Variants in WIPF3 observed in about 807,000 individuals in gnomAD.
The protein encoded by WIPF3 is WAS/WASL interacting protein family member 3.
WIPF3 carries 33 observed loss-of-function variants against 38.9 expected under a neutral mutation model. The observed-to-expected ratio is 0.85, with a 90% CI of 0.64 to 1.14. The LOEUF (loss-of-function observed/expected upper bound fraction) is 1.14. Among genes scored for constraint, WIPF3 ranks in the 50% most tolerant of loss-of-function variants. The pLI is 0.00. For missense variants in WIPF3, 711 were observed against 652.5 expected (o/e 1.09, Z -0.98); for synonymous variants, 324 against 269.3 (o/e 1.20, Z -1.99).
chr7:29,824,065 A>G (rs1784579396), intron 1 of WIPF3, among the ~76,000 whole-genome samples: 1 of 152,342 alleles, frequency 6.6e-6, no homozygotes, highest in African/African-American at 2.4e-5. Flanking sequence ...GGCTTTGGCA[A>G]TACCAGTATC....
At chr7:29,828,788 A>C (rs1425023761) in intron 1 of WIPF3, among the ~76,000 whole-genome samples, 1 of 152,212 alleles carries the variant, frequency 6.6e-6, no homozygotes, top group Non-Finnish European at 1.5e-5. Flanking sequence ...ATGCTGGGGA[A>C]GGAGTTCCTA....
intron 7 of WIPF3, among the ~76,000 whole-genome samples, chr7:29,900,124 G>C (rs921699036): frequency 1.2e-4 from 18 of 151,998 alleles, no homozygotes; most frequent in Non-Finnish European, 4.4e-5. Context: ...TTTTAGTAGA[G>C]ATGCAGTTTT....
chr7:29,812,907 C>A (rs1006702426), intron 1 of WIPF3, among the ~76,000 whole-genome samples: 3 of 152,208 alleles, frequency 2.0e-5, no homozygotes, highest in African/African-American at 7.2e-5. Context: ...GAAATGCACC[C>A]AACTGCCTGT....
chr7:29,894,137 C>T (rs1786083764), intron 7 of WIPF3, among the ~76,000 whole-genome samples: 1 of 152,140 alleles, frequency 6.6e-6, no homozygotes, highest in Non-Finnish European at 1.5e-5. Context: ...TCCTAAAAAC[C>T]TCTTTCTGCT....
At chr7:29,853,769 C>G (rs144251745) in intron 2 of WIPF3, among the ~76,000 whole-genome samples, 44 of 152,324 alleles carry the variant, frequency 2.9e-4, no homozygotes, top group African/African-American at 1.1e-3. Flanking sequence ...CTCATTATGG[C>G]TGATGTGAAG....
intron 5 of WIPF3, among the ~76,000 whole-genome samples, 181 bp downstream of exon 5, chr7:29,884,774 C>T (rs892957789): frequency 6.6e-6 from 1 of 152,228 alleles, no homozygotes; most frequent in African/African-American, 2.4e-5. Context: ...ATCCCCTGCC[C>T]TTACTAGCTC....
chr7:29,897,840 A>G (rs957428884), intron 7 of WIPF3, among the ~76,000 whole-genome samples: 3 of 151,980 alleles, frequency 2.0e-5, no homozygotes, highest in African/African-American at 7.3e-5. Flanking sequence ...TGCTGACCAT[A>G]CCTCTTCAAA....
chr7:29,845,044 T>TC (rs1333356418), intron 2 of WIPF3, among the ~76,000 whole-genome samples: 3 of 150,786 alleles, frequency 2.0e-5, no homozygotes, highest in Non-Finnish European at 1.5e-5. Context: ...TTTTTTTTTT[T>TC]CTGTGTGGTT....
intron 3 of WIPF3, 96 bp downstream of exon 3, chr7:29,876,058 C>T: frequency 6.6e-7 from 1 of 1,508,740 alleles, no homozygotes; most frequent in South Asian, 1.3e-5. Flanking sequence ...ACAGCTGCTT[C>T]CCAGGATGCA....
chr7:29,822,304 C>CAG (rs1784552477), intron 1 of WIPF3, among the ~76,000 whole-genome samples: 1 of 151,970 alleles, frequency 6.6e-6, no homozygotes, highest in Non-Finnish European at 1.5e-5. Context: ...CCTTATGACA[C>CAG]AGAGAGAGAG....
chr7:29,893,283 T>G (rs1644498433), intron 7 of WIPF3, among the ~76,000 whole-genome samples: 1 of 150,368 alleles, frequency 6.7e-6, no homozygotes, highest in South Asian at 2.1e-4. Flanking sequence ...TCATTTATGG[T>G]GAGGGGAGGT....
chr7:29,816,492 A>AT lies in WIPF3; in HGVS notation c.-58+9818dup, dbSNP rs1784460764. Among the ~76,000 whole-genome samples the AT allele has an allele frequency of 3.7e-4, 53 of 144,560 alleles. No homozygotes were observed. In the South Asian group the frequency reaches 0.012, roughly 31 times the overall value. 94.8% of individuals were successfully genotyped at this position (144,560 alleles called of 152,430 possible). A position where few individuals can be genotyped will look rare whatever the true frequency, so the allele number is the denominator to read the frequency against. On this transcript the variant is annotated intron_variant, in intron 1 of 8. Transcript: ENST00000242140. The stretch of plus-strand genomic sequence containing the variant: ...ACCAGCTAATTTTTATTTTTATTTT[A>AT]TTTTATTTTATTTTTTAGTAGAGAT...
intron 1 of WIPF3, among the ~76,000 whole-genome samples, chr7:29,828,896 C>T (rs962426415): frequency 2.6e-5 from 4 of 152,212 alleles, no homozygotes; most frequent in African/African-American, 4.8e-5. Flanking sequence ...CAGATGAGCA[C>T]CCCTGCCCAA....
intron 7 of WIPF3, 123 bp downstream of exon 7, chr7:29,889,530 A>G (rs1383218175): frequency 1.4e-6 from 1 of 725,812 alleles, no homozygotes; most frequent in Non-Finnish European, 2.4e-6. Context: ...TACCACTGCA[A>G]GGATGTAGTG....
Position 29,884,579 on chromosome 7 carries a change from G to A in WIPF3, c.1085G>A (p.Arg362Lys). The change falls in exon 5 of 9, where the codon AGG becomes AAG. Residue 362 changes from arginine to lysine, a missense_variant. Arg to Lys is a conservative substitution (Grantham distance 26, BLOSUM62 2). Coordinates refer to ENST00000242140, the MANE Select transcript of WIPF3 (RefSeq NM_001080529.3). ...TCCCAGCCGTTCCTGCAGAAGAAGA[G>A]GCATGGCCGACCAGGTAAGGAGCGC... ...PGSQPFLQKK[R>K]HGRPGAGGGK... 6.2e-6 allele frequency: 10 copies of A among 1,605,202 alleles called. No individual in the cohort carries two copies. The highest frequency in any genetic ancestry group is 7.6e-6 in the Non-Finnish European group (9 of 1,177,162).
chr7:29,837,300 G>A lies in WIPF3; in HGVS notation c.90+2486G>A, dbSNP rs528854283. Among the ~76,000 whole-genome samples, 15 of 152,264 alleles carry A rather than the reference G, an allele frequency of 9.9e-5. No individual in the cohort carries two copies. The South Asian group carries it at 2.7e-3, about 27-fold the overall frequency. ...GAACCCAGGAGGCGGAGCTTGCGGT[G>A]AGCCGAGACCACGCCACTGCACTCC... On this transcript the variant is annotated intron_variant, in intron 2 of 8. Transcript: ENST00000242140.
intron 1 of WIPF3, among the ~76,000 whole-genome samples, chr7:29,814,398 A>G (rs919256382): frequency 1.3e-5 from 2 of 152,212 alleles, no homozygotes; most frequent in African/African-American, 4.8e-5. Context: ...TTATCCATCA[A>G]ACATTTATTG....
At chr7:29,832,077 A>T (rs1056875898) in intron 1 of WIPF3, among the ~76,000 whole-genome samples, 1 of 152,184 alleles carries the variant, frequency 6.6e-6, no homozygotes, top group African/African-American at 2.4e-5. Flanking sequence ...GTTTTTCACC[A>T]GGGGAAGCAT....
At chr7:29,807,876 T>C (rs1458899435) in intron 1 of WIPF3, among the ~76,000 whole-genome samples, 1 of 152,192 alleles carries the variant, frequency 6.6e-6, no homozygotes, top group Non-Finnish European at 1.5e-5. Flanking sequence ...TCCAGAATCT[T>C]TTCTCACTTC....
Sources: allele counts gnomAD v4.1 joint callset (sites outside exome capture counted in the v4.1 genomes callset), GRCh38; gene constraint gnomAD v4.1.1; transcripts MANE v1.5; gene names NCBI Gene and HGNC (gene_info 2026-07-23, HGNC 2026-07-21).